Variants in ADAMTS6 observed in about 807,000 individuals in gnomAD.
ADAMTS6 encodes the protein A disintegrin and metalloproteinase with thrombospondin motifs 6.
A neutral mutation model predicts 144.3 loss-of-function variants in ADAMTS6; 23 were observed. That is an observed-to-expected ratio of 0.16 (90% CI 0.11 to 0.23). The LOEUF (loss-of-function observed/expected upper bound fraction) is 0.23. ADAMTS6 is among the 10% of genes least tolerant of loss of function. The pLI, the probability that ADAMTS6 is intolerant of heterozygous loss-of-function variation, is 1.00. For synonymous variants in ADAMTS6, 444 were observed against 457.5 expected (o/e 0.97, Z 0.38); for missense variants, 999 against 1,379.6 (o/e 0.72, Z 4.37).
At chr5:65,478,230 C>T (rs1262288476) in intron 1 of ADAMTS6, among the ~76,000 whole-genome samples, 3 of 152,128 alleles carry the variant, frequency 2.0e-5, no homozygotes, top group Non-Finnish European at 2.9e-5. Flanking sequence ...AATGAGTTAA[C>T]CCACTTTCTG....
intron 7 of ADAMTS6, among the ~76,000 whole-genome samples, chr5:65,392,633 C>T (rs1753019319): frequency 6.6e-6 from 1 of 152,140 alleles, no homozygotes; most frequent in Non-Finnish European, 1.5e-5. Flanking sequence ...AGCACTGACC[C>T]TAACCTATAC....
At chr5:65,209,250 C>T (rs903311958) in intron 20 of ADAMTS6, among the ~76,000 whole-genome samples, 1 of 152,140 alleles carries the variant, frequency 6.6e-6, no homozygotes, top group African/African-American at 2.4e-5. Flanking sequence ...TAATTAGCAA[C>T]TGATTATAAT....
Position 65,381,924 on chromosome 5 carries a change from T to G in ADAMTS6, c.1074-47839A>C, listed in dbSNP as rs369744213. On this transcript the variant is annotated intron_variant, in intron 7 of 24. Coordinates refer to ENST00000381055, the MANE Select transcript of ADAMTS6 (RefSeq NM_197941.4). ...ATTAAGGTTATTTTCAAATTAGTAT[T>G]TGTGGAATGTGTAAAATGAATCACA... Among the ~76,000 whole-genome samples, 416 of 152,286 alleles carry G rather than the reference T, an allele frequency of 2.7e-3. 4 individuals carry two copies. The highest frequency in any genetic ancestry group is 9.5e-3 in the African/African-American group (396 of 41,570).
rs115341710 is a variant in ADAMTS6, at chr5:65,390,816, C to T, written c.1074-56731G>A. Among the ~76,000 whole-genome samples, 349 of 152,248 alleles carry T rather than the reference C, an allele frequency of 2.3e-3. 4 individuals are homozygous for T. The highest frequency in any genetic ancestry group is 8.2e-3 in the African/African-American group (339 of 41,534). Reference sequence around the variant, plus strand: ...CCAGAGCTAATTACATCATATTGTTCACTTTGGTGCTCATAAAGAATCTCC... The same window carrying T: ...CCAGAGCTAATTACATCATATTGTTTACTTTGGTGCTCATAAAGAATCTCC... On this transcript the variant is annotated intron_variant, in intron 7 of 24. Coordinates refer to ENST00000381055, the MANE Select transcript of ADAMTS6 (RefSeq NM_197941.4).
chr5:65,196,703 T>A (rs572004165), intron 21 of ADAMTS6, among the ~76,000 whole-genome samples: 22 of 152,126 alleles, frequency 1.4e-4, no homozygotes, highest in African/African-American at 5.3e-4. Context: ...TAGCTGCAAG[T>A]TGAATCCTAA....
chr5:65,226,108 A>G lies in ADAMTS6; in HGVS notation c.2045T>C (p.Ile682Thr). Residue 682 changes from isoleucine to threonine, a missense_variant, in exon 16 of 25, where the codon ATC becomes ACC. By Grantham distance (89) the Ile-to-Thr change is moderately conservative. Around this residue, in one of 3 missense-constraint regions of ADAMTS6, gnomAD observed 619 missense variants for 837.0 expected, o/e 0.74. Coordinates refer to ENST00000381055, the MANE Select transcript of ADAMTS6 (RefSeq NM_197941.4). Reference protein sequence around the residue: ...GTQCNADSLDICINGECKHVG... With the variant: ...GTQCNADSLDTCINGECKHVG... ...AACCTTGCATTCTCCATTGATGCAG[A>G]TATCCAGTGAATCCGCATTGCACTG... The G allele has an allele frequency of 6.2e-7, 1 of 1,612,104 alleles. No homozygotes were observed. Among genetic ancestry groups the G allele is most frequent in the East Asian group, 2.2e-5 (1 of 44,830 alleles).
At chr5:65,307,129 C>T (rs1432204634) in intron 9 of ADAMTS6, among the ~76,000 whole-genome samples, 2 of 152,086 alleles carry the variant, frequency 1.3e-5, no homozygotes, top group South Asian at 2.1e-4. Flanking sequence ...CTTCTGAAAT[C>T]GTTAATAGTT....
At chr5:65,372,613 C>T (rs927061433) in intron 7 of ADAMTS6, among the ~76,000 whole-genome samples, 1 of 151,450 alleles carries the variant, frequency 6.6e-6, no homozygotes, top group African/African-American at 2.4e-5. Context: ...AAAGCAAGTC[C>T]TGAGTGACCT....
At chr5:65,327,499 T>C (rs182931424) in intron 9 of ADAMTS6, among the ~76,000 whole-genome samples, 317 of 152,188 alleles carry the variant, frequency 2.1e-3, no homozygotes, top group African/African-American at 6.8e-3. Flanking sequence ...AAGGATTTTG[T>C]GGAATTTTTT....
At chr5:65,293,316 T>C (rs1437737916) in intron 10 of ADAMTS6, among the ~76,000 whole-genome samples, 1 of 152,106 alleles carries the variant, frequency 6.6e-6, no homozygotes, top group African/African-American at 2.4e-5. Context: ...ATAAATCTTT[T>C]TTATGGAAAA....
intron 22 of ADAMTS6, among the ~76,000 whole-genome samples, chr5:65,178,076 A>G (rs1460324096): frequency 1.3e-5 from 2 of 152,222 alleles, no homozygotes; most frequent in African/African-American, 4.8e-5. Context: ...AGTGAGCTTA[A>G]GAATTGTCAA....
At chr5:65,420,782 A>G (rs1755964208) in intron 7 of ADAMTS6, among the ~76,000 whole-genome samples, 1 of 150,996 alleles carries the variant, frequency 6.6e-6, no homozygotes. Context: ...GTAGACTTAG[A>G]GTCAAATGGT....
chr5:65,152,173 GCTTTC>G (rs908165765), intron 24 of ADAMTS6, among the ~76,000 whole-genome samples: 6 of 152,174 alleles, frequency 3.9e-5, no homozygotes, highest in African/African-American at 1.4e-4. Flanking sequence ...TGTTTGCAAG[GCTTTC>G]CTTCCAGATT....
At chr5:65,170,261 A>G (rs1440288084) in intron 24 of ADAMTS6, among the ~76,000 whole-genome samples, 1 of 152,224 alleles carries the variant, frequency 6.6e-6, no homozygotes, top group Non-Finnish European at 1.5e-5. Flanking sequence ...ATATCCAAAA[A>G]GAAACAGAAG....
chr5:65,229,535 AG>A (rs1420543141), intron 15 of ADAMTS6, among the ~76,000 whole-genome samples: 1 of 152,198 alleles, frequency 6.6e-6, no homozygotes, highest in Non-Finnish European at 1.5e-5. Flanking sequence ...GAGCTATAAG[AG>A]AACACAGACA....
chr5:65,419,998 C>T (rs140172450), intron 7 of ADAMTS6, among the ~76,000 whole-genome samples: 14 of 152,182 alleles, frequency 9.2e-5, no homozygotes, highest in East Asian at 1.9e-4. Flanking sequence ...TAATTTATAA[C>T]GGAAAGAGGT....
intron 20 of ADAMTS6, among the ~76,000 whole-genome samples, chr5:65,208,495 T>C (rs1446178977): frequency 6.6e-6 from 1 of 152,290 alleles, no homozygotes; most frequent in East Asian, 1.9e-4. Context: ...ATATATCATG[T>C]TTCCCTACTG....
intron 9 of ADAMTS6, among the ~76,000 whole-genome samples, chr5:65,318,821 C>A (rs1383025507): frequency 6.6e-6 from 1 of 152,058 alleles, no homozygotes; most frequent in Non-Finnish European, 1.5e-5. Context: ...CCTGATACCA[C>A]AGCAGGGTGG....
intron 7 of ADAMTS6, among the ~76,000 whole-genome samples, chr5:65,416,568 T>A (rs953501092): frequency 4.6e-5 from 7 of 151,812 alleles, no homozygotes; most frequent in African/African-American, 1.5e-4. Context: ...AAGGAATAAC[T>A]AACATGTGGT....
Sources: gnomAD v4.1 joint callset for allele counts (sites outside exome capture counted in the v4.1 genomes callset) on GRCh38, gnomAD v4.1.1 for gene constraint, gnomAD v4.1.1 regional missense constraint, MANE v1.5 for transcripts, NCBI Gene and HGNC (gene_info 2026-07-23, HGNC 2026-07-21) for gene names.